IL12RB1: variants seen among roughly 807,000 people sequenced by gnomAD.
The protein encoded by IL12RB1 is interleukin-12 receptor subunit beta-1.
In IL12RB1, 64 loss-of-function variants were observed where a neutral mutation model predicts 94.4. That is an observed-to-expected ratio of 0.68 (90% CI 0.55 to 0.83). The LOEUF is 0.83. IL12RB1 is among the 40% of genes least tolerant of loss of function. IL12RB1 has a pLI of 0.00. For synonymous variants in IL12RB1, 362 were observed against 355.5 expected (o/e 1.02, Z -0.21); for missense variants, 814 against 855.6 (o/e 0.95, Z 0.61).
chr19:18,093,342 A>ATATATATATATATATATATATATT (rs770713233), intron 1 of IL12RB1, among the ~76,000 whole-genome samples: 6 of 149,830 alleles, frequency 4.0e-5, no homozygotes, highest in African/African-American at 1.5e-4. Flanking sequence ...ATATATATAT[A>ATATATATATATATATATATATATT]TATATACTTG....
intron 1 of IL12RB1, among the ~76,000 whole-genome samples, chr19:18,093,661 A>T (rs1417809118): frequency 2.6e-5 from 4 of 152,128 alleles, no homozygotes; most frequent in African/African-American, 9.7e-5. Context: ...TACACCTTGA[A>T]CCAATCACAG....
At chr19:18,083,218 G>A in intron 2 of IL12RB1, 3 of 647,398 alleles carry the variant, frequency 4.6e-6, no homozygotes, top group Non-Finnish European at 8.4e-6. Context: ...GACCATGCTA[G>A]GGAAGTGATA....
chr19:18,080,170 C>G (rs1015532828), intron 4 of IL12RB1, among the ~76,000 whole-genome samples: 1 of 151,984 alleles, frequency 6.6e-6, no homozygotes, highest in Non-Finnish European at 1.5e-5. Context: ...ATTCTCCCGC[C>G]TCAGCCTCCT....
At chr19:18,086,354 T>C (rs1188354390) in intron 1 of IL12RB1, among the ~76,000 whole-genome samples, 1 of 152,162 alleles carries the variant, frequency 6.6e-6, no homozygotes, top group Non-Finnish European at 1.5e-5. Flanking sequence ...CTTTGGATTT[T>C]GGTATCTGCA....
chr19:18,068,595 T>A, intron 10 of IL12RB1, 69 bp from the exon 11 acceptor site: 2 of 1,325,822 alleles, frequency 1.5e-6, no homozygotes, highest in Non-Finnish European at 2.2e-6. Context: ...TTGCACTGGC[T>A]GTGCCATCTG....
Position 18,069,610 on chromosome 19 carries a change from G to A in IL12RB1, c.1125C>T (p.Gly375=). Residue 375 remains glycine (G), a synonymous_variant, in exon 10 of 17, where the codon GGC becomes GGT. Transcript: ENST00000593993. ...TGCAGGTGGCAAGGCCCCCGTCCTG[G>A]CCCACAGGCTGCCATTCAATGCAAT... The part of the protein sequence containing the change: ...MTYCIEWQPV[G]QDGGLATCSL... The A allele has an allele frequency of 6.2e-7, 1 of 1,613,126 alleles. No homozygotes were observed. Among genetic ancestry groups the A allele is most frequent in the Non-Finnish European group, 8.5e-7 (1 of 1,179,856 alleles).
intron 9 of IL12RB1, among the ~76,000 whole-genome samples, chr19:18,070,300 C>T (rs577261066): frequency 2.0e-5 from 3 of 152,244 alleles, no homozygotes; most frequent in African/African-American, 4.8e-5. Flanking sequence ...ATGAGAGCTT[C>T]CTGTACTGCC....
chr19:18,085,751 G>C (rs1189017244), intron 1 of IL12RB1, among the ~76,000 whole-genome samples: 1 of 151,930 alleles, frequency 6.6e-6, no homozygotes, highest in Non-Finnish European at 1.5e-5. Flanking sequence ...TGGGAGTACA[G>C]GTGCCCATCA....
At chr19:18,082,429 G>A (rs772276660) in intron 2 of IL12RB1, among the ~76,000 whole-genome samples, 165 bp from the exon 3 acceptor site, 3 of 151,774 alleles carry the variant, frequency 2.0e-5, no homozygotes, top group African/African-American at 4.8e-5. Context: ...AACCTATTCC[G>A]AATCCTCAGC....
chr19:18,065,272 C>A (rs939882130), intron 12 of IL12RB1, among the ~76,000 whole-genome samples: 1 of 152,122 alleles, frequency 6.6e-6, no homozygotes, highest in African/African-American at 2.4e-5. Flanking sequence ...CCCCTCCAGG[C>A]CTTAGTTTCC....
Position 18,061,122 on chromosome 19 carries a change from C to G in IL12RB1, c.1791G>C (p.Glu597Asp). ...SSAIEFPGGK[E>D]TWQWINPVDF... ...TTGGAATTAGAAAAGGCATCCTTAC[C>G]TCCTTCCCTCCAGGGAACTCAATGG... The change falls in exon 15 of 17, where the codon GAG (glutamate) becomes GAC (aspartate). Residue 597 changes from glutamate to aspartate, a missense_variant and splice_region_variant. By Grantham distance (45) the Glu-to-Asp change is conservative. Coordinates refer to ENST00000593993, the MANE Select transcript of IL12RB1 (RefSeq NM_005535.3). 1.9e-6 allele frequency: 3 copies of G among 1,555,824 alleles called. No homozygotes were observed. Among genetic ancestry groups the G allele is most frequent in the South Asian group, 2.3e-5 (2 of 87,962 alleles).
chr19:18,068,358 T>G, intron 11 of IL12RB1, 31 bp downstream of exon 11: 1 of 1,557,490 alleles, frequency 6.4e-7, no homozygotes, highest in Non-Finnish European at 8.7e-7. Context: ...AAAGAAAAAA[T>G]AATGTAAACC....
At chr19:18,081,591 G>T (rs942043617) in intron 3 of IL12RB1, among the ~76,000 whole-genome samples, 47 of 151,720 alleles carry the variant, frequency 3.1e-4, no homozygotes, top group Admixed American at 1.1e-3. Context: ...AGGCCAAGGG[G>T]GGGTGGATCA....
intron 1 of IL12RB1, among the ~76,000 whole-genome samples, chr19:18,095,038 G>A (rs2036825053): frequency 6.6e-6 from 1 of 152,000 alleles, no homozygotes; most frequent in Non-Finnish European, 1.5e-5. Flanking sequence ...AATTAGCTGG[G>A]AGTGGTGGCG....
At chr19:18,084,377 T>C (rs1031425117) in intron 1 of IL12RB1, among the ~76,000 whole-genome samples, 5 of 149,236 alleles carry the variant, frequency 3.4e-5, no homozygotes, top group African/African-American at 1.0e-4. Context: ...CGTCCATTCG[T>C]CCATTCATCC....
At chr19:18,059,816 G>A in intron 16 of IL12RB1, 78 bp downstream of exon 16, 1 of 834,888 alleles carries the variant, frequency 1.2e-6, no homozygotes, top group East Asian at 2.6e-5. Flanking sequence ...TGATATCCCA[G>A]GAGCGATGGA....
At chr19:18,076,427 C>T (rs752208171) in intron 5 of IL12RB1, 100 bp from the exon 6 acceptor site, 43 of 720,824 alleles carry the variant, frequency 6.0e-5, no homozygotes, top group Non-Finnish European at 9.9e-5. Flanking sequence ...ATCTGAGACA[C>T]GGTCTCACTC....
intron 8 of IL12RB1, among the ~76,000 whole-genome samples, chr19:18,072,569 G>A (rs1052591529): frequency 6.6e-6 from 1 of 152,122 alleles, no homozygotes; most frequent in Non-Finnish European, 1.5e-5. Context: ...GTGGGAAATT[G>A]ACAAAACCCA....
intron 2 of IL12RB1, among the ~76,000 whole-genome samples, 178 bp from the exon 3 acceptor site, chr19:18,082,442 C>T (rs1385816057): frequency 6.6e-6 from 1 of 152,186 alleles, no homozygotes; most frequent in Non-Finnish European, 1.5e-5. Context: ...TCCTCAGCCT[C>T]CTAACTTGTC....
Sources: gnomAD v4.1 joint callset for allele counts (sites outside exome capture counted in the v4.1 genomes callset) on GRCh38, gnomAD v4.1.1 for gene constraint, MANE v1.5 for transcripts, NCBI Gene and HGNC (gene_info 2026-07-23, HGNC 2026-07-21) for gene names.